The following OVGP1 variants were observed in gnomAD, a reference collection of about 807,000 sequenced individuals.
The protein encoded by OVGP1 is oviduct-specific glycoprotein.
A neutral mutation model predicts 48.2 loss-of-function variants in OVGP1; 26 were observed. That is an observed-to-expected ratio of 0.54 (90% CI 0.40 to 0.75). The LOEUF is 0.75. Ranked by LOEUF, OVGP1 falls within the 30% of genes least tolerant of loss-of-function variation. OVGP1 has a pLI of 0.00. For synonymous variants in OVGP1, 294 were observed against 305.7 expected (o/e 0.96, Z 0.40); for missense variants, 791 against 820.6 (o/e 0.96, Z 0.44).
intron 2 of OVGP1, chr1:111,426,847 A>G: frequency 1.9e-6 from 3 of 1,548,400 alleles, no homozygotes; most frequent in Non-Finnish European, 2.6e-6. Flanking sequence ...ATGCCTTGTG[A>G]AATCCTGGTC....
chr1:111,425,804 C>T (rs1652384938), intron 3 of OVGP1, among the ~76,000 whole-genome samples: 1 of 152,318 alleles, frequency 6.6e-6, no homozygotes, highest in South Asian at 2.1e-4. Context: ...CTGCTTTAGG[C>T]ACTTTAGAAC....
In OVGP1 at chr1:111,426,623, A is replaced by G; in HGVS notation, c.74T>C (p.Val25Ala). ...GTGTGCCCAGTTGGTGAAATAACAC[A>G]CGAGTTTATGGGCAGCACCTGGTAA... ...KHHDGAAHKLVCYFTNWAHSR... is the reference protein window; with the variant it reads ...KHHDGAAHKLACYFTNWAHSR... Residue 25 changes from valine (V) to alanine (A), a missense_variant, in exon 3 of 11, where the codon GTG (valine) becomes GCG (alanine). Coordinates refer to ENST00000369732, the MANE Select transcript of OVGP1 (RefSeq NM_002557.4). 6.2e-7 allele frequency: 1 copy of G among 1,614,000 alleles called. No homozygotes were observed. The highest frequency in any genetic ancestry group is 2.2e-5 in the East Asian group (1 of 44,860).
Position 111,414,374 on chromosome 1 carries a change from T to C in OVGP1, c.*90A>G, listed in dbSNP as rs1571350979. On this transcript the variant is annotated 3_prime_UTR_variant, in exon 11 of 11. Transcript: ENST00000369732. ...AGAGATTGGCCTATTCTGGTTTTGA[T>C]GCCTGCTTTGCCCCGGGATGAGAAG... 8.5e-7 allele frequency: 1 copy of C among 1,174,750 alleles called. No individual in the cohort carries two copies. The highest frequency in any genetic ancestry group is 2.4e-5 in the East Asian group (1 of 42,396). The allele number at this position is 1,174,750 out of a possible 1,614,324, so 72.8% of individuals were successfully genotyped here.
chr1:111,423,657 T>C lies in OVGP1; in HGVS notation c.369A>G (p.Ser123=). 1 of 1,614,118 alleles carries C rather than the reference T, an allele frequency of 6.2e-7. No individual in the cohort carries two copies. Among genetic ancestry groups the C allele is most frequent in the African/African-American group, 1.3e-5 (1 of 75,046 alleles). The change falls in exon 5 of 11, where the codon TCA becomes TCG. Residue 123 remains serine (S), a synonymous_variant. Coordinates refer to ENST00000369732, the MANE Select transcript of OVGP1 (RefSeq NM_002557.4). ...TFANREKFIA[S]VISLLRTHDF... ...CATGTGTCCTCAGAAGGGATATAACTGAAGCAATAAACTTTTCACGGTTGG... is the reference window on the plus strand; with the variant it reads ...CATGTGTCCTCAGAAGGGATATAACCGAAGCAATAAACTTTTCACGGTTGG...
At chr1:111,425,314 C>A in intron 4 of OVGP1, 69 bp downstream of exon 4, 1 of 1,589,896 alleles carries the variant, frequency 6.3e-7, no homozygotes, top group Non-Finnish European at 8.6e-7. Flanking sequence ...CTGCCTTCCC[C>A]CTCTGTCTTC....
intron 5 of OVGP1, 66 bp downstream of exon 5, chr1:111,423,477 G>A: frequency 6.6e-7 from 1 of 1,526,476 alleles, no homozygotes; most frequent in Non-Finnish European, 9.0e-7. Context: ...CTCTTCTCCT[G>A]CCATAAGCCT....
At chr1:111,423,078 A>G (rs370904363) in intron 5 of OVGP1, 27 bp from the exon 6 acceptor site, 236 of 1,613,358 alleles carry the variant, frequency 1.5e-4, no homozygotes, top group Middle Eastern at 4.9e-4. Flanking sequence ...AAAGACACAG[A>G]GAACTGGACA....
chr1:111,415,192 C>T lies in OVGP1; in HGVS notation c.1309G>A (p.Gly437Arg), dbSNP rs370117565. Residue 437 changes from glycine to arginine, a missense_variant, in exon 11 of 11, where the codon GGA becomes AGA. Gly to Arg is a moderately radical substitution (Grantham distance 125, BLOSUM62 -2). Transcript: ENST00000369732. ...GTTATAGTCATATTTTCACACTTTC[C>T]GTGGATCTCAGTGACCCCAGCCTCT... ...GGEAGVTEIH[G>R]KCENMTITPR... 8.6e-5 allele frequency: 139 copies of T among 1,614,164 alleles called. No homozygotes were observed. Among genetic ancestry groups the T allele is most frequent in the Middle Eastern group, 4.9e-4 (3 of 6,062 alleles).
Position 111,414,867 on chromosome 1 carries a change from G to A in OVGP1, c.1634C>T (p.Thr545Met), listed in dbSNP as rs769923885. The A allele has an allele frequency of 6.3e-6, 10 of 1,594,562 alleles. No individual in the cohort carries two copies. The highest frequency in any genetic ancestry group is 3.4e-5 in the Admixed American group (2 of 59,244). The change falls in exon 11 of 11, where the codon ACG becomes ATG. Residue 545 changes from threonine to methionine, a missense_variant. Physicochemically the swap from Thr to Met is moderately conservative, Grantham distance 81. Transcript: ENST00000369732. ...VSHQSVSPGG[T>M]TMTPVHFQTE... ...CTGAAAATGGACAGGGGTCATAGTC[G>A]TTCCTCCAGGGCTCACAGACTGATG...
At chr1:111,421,242 CTAACT>C in intron 8 of OVGP1, 29 bp downstream of exon 8, 1 of 1,558,060 alleles carries the variant, frequency 6.4e-7, no homozygotes, top group East Asian at 2.3e-5. Context: ...TGGGAGAGTC[CTAACT>C]GCTAGACAGA....
intron 9 of OVGP1, among the ~76,000 whole-genome samples, chr1:111,418,042 C>T (rs929740622): frequency 6.6e-6 from 1 of 152,330 alleles, no homozygotes; most frequent in Non-Finnish European, 1.5e-5. Flanking sequence ...TTGTCTGCTT[C>T]CTTTGCCCAG....
At chr1:111,426,968 C>T in intron 2 of OVGP1, 94 bp downstream of exon 2, 1 of 1,603,946 alleles carries the variant, frequency 6.2e-7, no homozygotes. Flanking sequence ...TCAGAGAAGC[C>T]AGGGCAAGGT....
rs1326410652 is a variant in OVGP1, at chr1:111,414,756, GAT to G, written c.1743_1744del (p.Val583HisfsTer3). On this transcript the variant is annotated frameshift_variant, in exon 11 of 11. Coordinates refer to ENST00000369732, the MANE Select transcript of OVGP1 (RefSeq NM_002557.4). LOFTEE classifies it low-confidence loss of function (END_TRUNC). Reference sequence around the variant, plus strand: ...CATAGTCTGCCCTTCAGGGGTGACTGATATGTTTCTGGAGGGGACAGTCACCT... The same window carrying G: ...CATAGTCTGCCCTTCAGGGGTGACTGATGTTTCTGGAGGGGACAGTCACCT... The G allele has an allele frequency of 6.2e-7, 1 of 1,610,980 alleles. No individual in the cohort carries two copies. The highest frequency in any genetic ancestry group is 1.1e-5 in the South Asian group (1 of 90,960).
At position 111,425,693 on chromosome 1, in the gene OVGP1, C is replaced by T. The variant is rs527486970; in HGVS notation, c.261-254G>A. Among the ~76,000 whole-genome samples, 59 of 152,298 alleles carry T rather than the reference C, an allele frequency of 3.9e-4. 1 individual carries two copies. The South Asian group carries it at 0.011, about 29-fold the overall frequency. ...AAGGCTGCACAAAGTCTGCCAAACT[C>T]GCGCATGTCCCTATGATGCTTCCAA... On this transcript the variant is annotated intron_variant, in intron 3 of 10. Transcript: ENST00000369732.
In OVGP1 at chr1:111,419,678, A is replaced by G; in HGVS notation, c.952T>C (p.Tyr318His). ...TTCCCCTTGTTGGCATACGGGACAT[A>G]CTGGTAATCAATCCAGTGCTTCTTC... is the stretch of plus-strand genomic sequence containing the variant. ...GAKKHWIDYQYVPYANKGKEW... is the reference protein window; with the variant it reads ...GAKKHWIDYQHVPYANKGKEW... Residue 318 changes from tyrosine (Y) to histidine (H), a missense_variant, in exon 9 of 11, where the codon TAT becomes CAT. Physicochemically the swap from Tyr to His is moderately conservative, Grantham distance 83. Transcript: ENST00000369732. The G allele has an allele frequency of 6.2e-7, 1 of 1,613,848 alleles. No homozygotes were observed. The highest frequency in any genetic ancestry group is 8.5e-7 in the Non-Finnish European group (1 of 1,179,788).
rs369279215 is a variant in OVGP1 at position 111,416,350 on chromosome 1, C to T, written c.1129G>A (p.Val377Ile). 23 of 1,602,072 alleles carry T rather than the reference C, an allele frequency of 1.4e-5. No individual in the cohort carries two copies. Among genetic ancestry groups the T allele is most frequent in the East Asian group, 4.5e-5 (2 of 44,524 alleles). The change falls in exon 10 of 11, where the codon GTA (valine) becomes ATA (isoleucine). Residue 377 changes from valine (V) to isoleucine (I), a missense_variant. Physicochemically the swap from Val to Ile is conservative, Grantham distance 29 (BLOSUM62 3). Coordinates refer to ENST00000369732, the MANE Select transcript of OVGP1 (RefSeq NM_002557.4). Reference protein sequence around the residue: ...CGTGPFPLVYVLNDILVRAEF... With the variant: ...CGTGPFPLVYILNDILVRAEF... ...GCCCGCACCAGGATATCATTCAATA[C>T]GTAGACAAGGGGGAAAGGGCCAGTG...
Position 111,426,294 on chromosome 1 carries a change from T to C in OVGP1, c.260+143A>G, listed in dbSNP as rs1242019762. 7 of 1,095,042 alleles carry C rather than the reference T, an allele frequency of 6.4e-6. No individual in the cohort carries two copies. The African/African-American group carries it at 7.9e-5, about 12-fold the overall frequency. 67.8% of individuals were successfully genotyped at this position (1,095,042 alleles called of 1,614,324 possible). A position where few individuals can be genotyped will look rare whatever the true frequency, so the allele number is the denominator to read the frequency against. On this transcript the variant is annotated intron_variant, in intron 3 of 10. Transcript: ENST00000369732. Reference sequence around the variant, plus strand: ...GTGTCTGTGACAAGGAGTTCTCAAGTTGGGGGTGCTCTGGACCCCTATTTG... The same window carrying C: ...GTGTCTGTGACAAGGAGTTCTCAAGCTGGGGGTGCTCTGGACCCCTATTTG...
Position 111,415,256 on chromosome 1 carries a change from C to T in OVGP1, c.1245G>A (p.Thr415=), listed in dbSNP as rs1163485438. The part of the protein sequence containing the change: ...STDPERLAVT[T]AWTTDSKILP... Reference sequence around the variant, plus strand: ...AAATCTTACTATCAGTGGTCCATGCCGTGGTCACAGCCAGCCTTTCAGGGT... The same window carrying T: ...AAATCTTACTATCAGTGGTCCATGCTGTGGTCACAGCCAGCCTTTCAGGGT... The change falls in exon 11 of 11, where the codon ACG becomes ACA. Residue 415 remains threonine, a synonymous_variant. Coordinates refer to ENST00000369732, the MANE Select transcript of OVGP1 (RefSeq NM_002557.4). The T allele has an allele frequency of 2.1e-5, 34 of 1,614,020 alleles. No individual in the cohort carries two copies. Among genetic ancestry groups the T allele is most frequent in the Non-Finnish European group, 2.7e-5 (32 of 1,180,022 alleles).
At chr1:111,420,899 G>C (rs931742351) in intron 8 of OVGP1, among the ~76,000 whole-genome samples, 3 of 152,102 alleles carry the variant, frequency 2.0e-5, no homozygotes, top group Non-Finnish European at 4.4e-5. Context: ...GTAGTATGTG[G>C]GGGAGGTACA....
Sources: gnomAD v4.1 joint callset for allele counts (sites outside exome capture counted in the v4.1 genomes callset) on GRCh38, gnomAD v4.1.1 for gene constraint, MANE v1.5 for transcripts, NCBI Gene and HGNC (gene_info 2026-07-23, HGNC 2026-07-21) for gene names.